The following XKR9 variants were observed in gnomAD, a reference collection of about 807,000 sequenced individuals.
XKR9 encodes the protein XK-related protein 9.
XKR9 carries 32 observed loss-of-function variants against 32.0 expected under a neutral mutation model. The observed-to-expected ratio is 1.00, with a 90% CI of 0.76 to 1.34. The LOEUF is 1.34. Among genes scored for constraint, XKR9 ranks in the 40% most tolerant of loss-of-function variants. The pLI is 0.00. For synonymous variants in XKR9, 168 were observed against 143.4 expected (o/e 1.17, Z -1.22); for missense variants, 546 against 429.7 (o/e 1.27, Z -2.39).
the XKR9 span, among the ~76,000 whole-genome samples, chr8:70,902,954 A>C: frequency 3.3e-5 from 5 of 152,096 alleles, no homozygotes; most frequent in African/African-American, 1.2e-4. Flanking sequence ...ATTGATTTGC[A>C]TATGTTGAAC....
At chr8:70,882,117 T>C in the XKR9 span, among the ~76,000 whole-genome samples, 1 of 151,280 alleles carries the variant, frequency 6.6e-6, no homozygotes, top group East Asian at 1.9e-4. Context: ...CTGTTGGTGG[T>C]GGGGGGCTGG....
At chr8:70,891,528 C>A in the XKR9 span, among the ~76,000 whole-genome samples, 2 of 151,720 alleles carry the variant, frequency 1.3e-5, no homozygotes, top group Non-Finnish European at 2.9e-5. Context: ...AAATATTCTT[C>A]TTCATTTCTT....
At chr8:70,930,839 G>A in the XKR9 span, among the ~76,000 whole-genome samples, 2 of 152,298 alleles carry the variant, frequency 1.3e-5, no homozygotes, top group Admixed American at 1.3e-4. Flanking sequence ...TCAGAGACCA[G>A]CATGGGAGGA....
At chr8:70,810,290 G>A in the XKR9 span, among the ~76,000 whole-genome samples, 9 of 152,136 alleles carry the variant, frequency 5.9e-5, 1 homozygote, top group Admixed American at 2.6e-4. Flanking sequence ...CCTGAAGGAA[G>A]CACTAAACAT....
intron 3 of XKR9, among the ~76,000 whole-genome samples, chr8:70,682,925 C>A (rs1244098055): frequency 6.6e-6 from 1 of 152,176 alleles, no homozygotes; most frequent in African/African-American, 2.4e-5. Flanking sequence ...TCATACAAAG[C>A]TGCTTTGCTC....
chr8:70,740,312 G>A (rs1332935782), downstream of XKR9, among the ~76,000 whole-genome samples: 1 of 152,048 alleles, frequency 6.6e-6, no homozygotes, highest in Admixed American at 6.6e-5. Flanking sequence ...TTGGTTTTCA[G>A]CTCCATCAGC....
chr8:70,785,298 A>G (rs1276044154), intron 2 of XKR9, among the ~76,000 whole-genome samples: 1 of 151,910 alleles, frequency 6.6e-6, no homozygotes, highest in African/African-American at 2.4e-5. Context: ...TTCATGTATA[A>G]TTATTCATAG....
downstream of XKR9, among the ~76,000 whole-genome samples, chr8:70,739,635 C>T (rs527387646): frequency 1.3e-5 from 2 of 152,118 alleles, no homozygotes; most frequent in East Asian, 3.9e-4. Flanking sequence ...TTAGTGCTTC[C>T]TTCAGGAGCT....
the XKR9 span, among the ~76,000 whole-genome samples, chr8:70,869,691 G>A: frequency 2.6e-5 from 4 of 152,196 alleles, no homozygotes; most frequent in Middle Eastern, 3.4e-3. Flanking sequence ...CTAAATATAC[G>A]ATTTGAGAAT....
At chr8:70,825,757 A>G in the XKR9 span, among the ~76,000 whole-genome samples, 29 of 152,098 alleles carry the variant, frequency 1.9e-4, no homozygotes, top group African/African-American at 6.8e-4. Flanking sequence ...GGGGAAATCT[A>G]TTAGACACCT....
chr8:70,936,466 A>C, the XKR9 span, among the ~76,000 whole-genome samples: 2 of 152,048 alleles, frequency 1.3e-5, no homozygotes, highest in African/African-American at 4.8e-5. Flanking sequence ...GTTAATTTTC[A>C]TGAACTCTCT....
the XKR9 span, among the ~76,000 whole-genome samples, chr8:70,800,897 A>G: frequency 2.7e-5 from 4 of 149,446 alleles, no homozygotes; most frequent in Admixed American, 2.7e-4. Context: ...GGGAGGTCAT[A>G]TGTTTCCAGG....
chr8:71,004,781 G>A, the XKR9 span, among the ~76,000 whole-genome samples: 31 of 152,204 alleles, frequency 2.0e-4, no homozygotes, highest in East Asian at 9.7e-4. Flanking sequence ...CTTACTGGGT[G>A]GGGAAAAACG....
the XKR9 span, among the ~76,000 whole-genome samples, chr8:70,814,331 T>C: frequency 2.8e-3 from 424 of 152,096 alleles, 5 homozygotes; most frequent in African/African-American, 9.7e-3. Context: ...TTAGGAGATA[T>C]ACCTAATGCT....
At chr8:71,051,524 G>A in the XKR9 span, among the ~76,000 whole-genome samples, 2 of 53,724 alleles carry the variant, frequency 3.7e-5, no homozygotes, top group African/African-American at 1.7e-4. Flanking sequence ...GGTGGTGGTG[G>A]TGGGGTGTGT....
At chr8:70,816,009 A>T in the XKR9 span, among the ~76,000 whole-genome samples, 1 of 152,158 alleles carries the variant, frequency 6.6e-6, no homozygotes, top group Non-Finnish European at 1.5e-5. Context: ...GTATATATCC[A>T]GTAATGGGAT....
the XKR9 span, among the ~76,000 whole-genome samples, chr8:71,024,084 A>G: frequency 3.6e-4 from 55 of 152,148 alleles, no homozygotes; most frequent in Non-Finnish European, 6.8e-4. Context: ...GGTGGCGTAC[A>G]TGGGAACAGG....
the XKR9 span, among the ~76,000 whole-genome samples, chr8:70,920,806 T>A: frequency 5.9e-5 from 9 of 152,210 alleles, no homozygotes; most frequent in Non-Finnish European, 1.3e-4. Context: ...CTATGACAAG[T>A]AATCCATTTT....
the XKR9 span, among the ~76,000 whole-genome samples, chr8:70,863,717 A>T: frequency 6.6e-6 from 1 of 152,204 alleles, no homozygotes; most frequent in Admixed American, 6.5e-5. Context: ...ACAGAAGATG[A>T]TAGAAGCATG....
Sources: gnomAD v4.1 joint callset for allele counts (sites outside exome capture counted in the v4.1 genomes callset) on GRCh38, gnomAD v4.1.1 for gene constraint, MANE v1.5 for transcripts, NCBI Gene and HGNC (gene_info 2026-07-23, HGNC 2026-07-21) for gene names.